The following PPM1B variants were observed in gnomAD, a reference collection of about 807,000 sequenced individuals.
PPM1B encodes the protein protein phosphatase 1B.
PPM1B carries 22 observed loss-of-function variants against 43.0 expected under a neutral mutation model. The ratio of observed to expected loss-of-function variants is 0.51; its 90% CI spans 0.37 to 0.73. PPM1B has a LOEUF of 0.73. Ranked by LOEUF, PPM1B falls within the 30% of genes least tolerant of loss-of-function variation. The probability of loss-of-function intolerance (pLI) is 0.00; values close to 1 mark genes in which losing one functional copy is unlikely to be tolerated. For missense variants in PPM1B, 632 were observed against 584.2 expected, an observed-to-expected ratio of 1.08 and a Z score of -0.84; for synonymous variants, 217 against 197.9, an observed-to-expected ratio of 1.10 and a Z score of -0.81.
intron 1 of PPM1B, among the ~76,000 whole-genome samples, chr2:44,199,139 C>A (rs1264662910): frequency 6.0e-5 from 9 of 150,634 alleles, no homozygotes; most frequent in Non-Finnish European, 1.2e-4. Flanking sequence ...GTGCCTGTAA[C>A]CCCAGCTACC....
At chr2:44,222,640 T>G (rs1670026369) in intron 5 of PPM1B, among the ~76,000 whole-genome samples, 1 of 152,210 alleles carries the variant, frequency 6.6e-6, no homozygotes, top group Non-Finnish European at 1.5e-5. Context: ...ATGAGGTAGT[T>G]TGCACAGGTC....
rs183279878 is a variant in PPM1B at position 44,230,551 on chromosome 2, G to A, written c.1273G>A (p.Gly425Arg). 52 of 1,614,102 alleles carry A rather than the reference G, an allele frequency of 3.2e-5. 1 individual carries two copies. The highest frequency in any genetic ancestry group is 2.3e-4 in the African/African-American group (17 of 75,056). Residue 425 changes from glycine to arginine, a missense_variant, in exon 6 of 6, where the codon GGA (glycine) becomes AGA (arginine). Physicochemically the swap from Gly to Arg is moderately radical, Grantham distance 125. Transcript: ENST00000282412. ...LTSYRLAKVEGEESPAEPAAT... is the reference protein window; with the variant it reads ...LTSYRLAKVEREESPAEPAAT... The stretch of plus-strand genomic sequence containing the variant: ...TAGTTACAGGCTAGCTAAAGTAGAG[G>A]GAGAAGAAAGCCCTGCTGAACCAGC...
chr2:44,209,177 C>T, intron 2 of PPM1B, 33 bp from the exon 3 acceptor site: 1 of 1,496,160 alleles, frequency 6.7e-7, no homozygotes, highest in Non-Finnish European at 9.0e-7. Context: ...TGTAGAAATA[C>T]AATTTTTTTT....
Position 44,209,247 on chromosome 2 carries a change from T to G in PPM1B, c.884T>G (p.Phe295Cys). 6.2e-7 allele frequency: 1 copy of G among 1,613,836 alleles called. No individual in the cohort carries two copies. ...RDNMSIVLVC[F>C]SNAPKVSDEA... ...AACATGAGTATTGTACTAGTTTGCTTTTCAAATGCTCCCAAGGTCTCAGAT... is the reference window on the plus strand; with the variant it reads ...AACATGAGTATTGTACTAGTTTGCTGTTCAAATGCTCCCAAGGTCTCAGAT... The change falls in exon 3 of 6, where the codon TTT (phenylalanine) becomes TGT (cysteine). Residue 295 changes from phenylalanine (F) to cysteine (C), a missense_variant. Transcript: ENST00000282412.
chr2:44,181,980 G>A (rs1390333090), intron 1 of PPM1B, among the ~76,000 whole-genome samples: 1 of 152,154 alleles, frequency 6.6e-6, no homozygotes, highest in Non-Finnish European at 1.5e-5. Context: ...TTTGATTTGA[G>A]AGTGTTTTGA....
rs541363514 is a variant in PPM1B, at chr2:44,240,799, G to A, written n.1547-3429G>A. Among the ~76,000 whole-genome samples the A allele has an allele frequency of 5.6e-5, 8 of 143,694 alleles. 2 individuals carry two copies. In the South Asian group the frequency reaches 1.2e-3, roughly 22 times the overall value. The allele number at this position is 143,694 out of a possible 152,430, so 94.3% of individuals were successfully genotyped here. A position where few individuals can be genotyped will look rare whatever the true frequency, so the allele number is the denominator to read the frequency against. On this transcript the variant is annotated intron_variant and non_coding_transcript_variant, in intron 5 of 5. Transcript: ENST00000378540. ...GGTGGCTCAGTAAAATGGAGGGAGCGCTAAGCTAAGAGAGTCCCGAGCTCC... is the reference window on the plus strand; with the variant it reads ...GGTGGCTCAGTAAAATGGAGGGAGCACTAAGCTAAGAGAGTCCCGAGCTCC...
intron 1 of PPM1B, among the ~76,000 whole-genome samples, chr2:44,176,869 C>T (rs531128131): frequency 4.1e-4 from 62 of 152,312 alleles, no homozygotes; most frequent in African/African-American, 1.4e-3. Context: ...GCAGCCGCCA[C>T]CTCCCAGTTC....
downstream of PPM1B, chr2:44,233,567 T>G: frequency 2.0e-6 from 2 of 985,816 alleles, no homozygotes; most frequent in Middle Eastern, 5.2e-4. Context: ...TGTGGATGCT[T>G]TGTAAACATT....
chr2:44,212,763 C>G (rs1275840491), intron 3 of PPM1B, among the ~76,000 whole-genome samples: 1 of 152,080 alleles, frequency 6.6e-6, no homozygotes, highest in Non-Finnish European at 1.5e-5. Flanking sequence ...GTAATCCCAG[C>G]ACTTTGGGAG....
downstream of PPM1B, chr2:44,232,394 A>C (rs774248708): frequency 6.3e-7 from 1 of 1,594,370 alleles, no homozygotes; most frequent in Admixed American, 1.8e-5. Flanking sequence ...TGGGGGAAAA[A>C]ACTTTTAATC....
At chr2:44,207,612 G>A (rs1290177121) in intron 2 of PPM1B, among the ~76,000 whole-genome samples, 2 of 149,464 alleles carry the variant, frequency 1.3e-5, no homozygotes, top group Admixed American at 1.3e-4. Context: ...GTCTTGCTCT[G>A]TTGCCCAGGC....
chr2:44,191,381 T>A (rs576379008), intron 1 of PPM1B, among the ~76,000 whole-genome samples: 2 of 152,148 alleles, frequency 1.3e-5, no homozygotes, highest in South Asian at 4.2e-4. Flanking sequence ...GCCTGGTTAA[T>A]TTTTTTCTAT....
At chr2:44,221,515 G>C (rs187887799) in intron 5 of PPM1B, among the ~76,000 whole-genome samples, 11 of 152,282 alleles carry the variant, frequency 7.2e-5, no homozygotes, top group Admixed American at 6.5e-4. Context: ...TTAACTTGCG[G>C]GGTGGGAAAG....
intron 2 of PPM1B, among the ~76,000 whole-genome samples, chr2:44,203,732 C>T (rs1354538965): frequency 6.6e-6 from 1 of 152,028 alleles, no homozygotes; most frequent in Non-Finnish European, 1.5e-5. Flanking sequence ...TGATCTGTAT[C>T]ATTTTTCTTG....
At chr2:44,190,112 CAGATCATTATTTGATACTAGT>C in intron 1 of PPM1B, among the ~76,000 whole-genome samples, 1 of 151,192 alleles carries the variant, frequency 6.6e-6, no homozygotes, top group East Asian at 1.9e-4. Context: ...GTAGAGTGGA[CAGATCATTATTTGATACTAGT>C]AGAGAAATTT....
intron 5 of PPM1B, among the ~76,000 whole-genome samples, chr2:44,221,691 C>T (rs115458771): frequency 2.1e-3 from 318 of 152,002 alleles, no homozygotes; most frequent in African/African-American, 7.4e-3. Flanking sequence ...TGCTTTATGT[C>T]GGAGAGAATT....
chr2:44,220,451 A>T (rs1669927364), intron 5 of PPM1B, among the ~76,000 whole-genome samples: 1 of 152,158 alleles, frequency 6.6e-6, no homozygotes, highest in South Asian at 2.1e-4. Context: ...AACTGGGGGG[A>T]AATGCTCAAT....
chr2:44,186,410 C>T (rs974027787), intron 1 of PPM1B, among the ~76,000 whole-genome samples: 1 of 152,144 alleles, frequency 6.6e-6, no homozygotes, highest in Non-Finnish European at 1.5e-5. Context: ...GCTCTGTCAT[C>T]GAGGCTGGAA....
intron 5 of PPM1B, among the ~76,000 whole-genome samples, chr2:44,221,915 T>C (rs1669993586): frequency 6.6e-6 from 1 of 152,150 alleles, no homozygotes; most frequent in South Asian, 2.1e-4. Context: ...ATGTGTTCCA[T>C]ACTAAACTAA....
Sources: gnomAD v4.1 joint callset for allele counts (sites outside exome capture counted in the v4.1 genomes callset) on GRCh38, gnomAD v4.1.1 for gene constraint, MANE v1.5 for transcripts, NCBI Gene and HGNC (gene_info 2026-07-23, HGNC 2026-07-21) for gene names.